The following PLLP variants were observed in gnomAD, a reference collection of about 807,000 sequenced individuals.
The protein encoded by PLLP is plasma membrane proteolipid (plasmolipin).
In PLLP, 15 loss-of-function variants were observed where a neutral mutation model predicts 19.7. The observed-to-expected ratio is 0.76, with a 90% CI of 0.51 to 1.17. The LOEUF (loss-of-function observed/expected upper bound fraction) is 1.17. Ranked by LOEUF, PLLP falls within the 50% of genes most tolerant of loss-of-function variation. PLLP has a pLI of 0.00. For synonymous variants in PLLP, 111 were observed against 116.3 expected (o/e 0.95, Z 0.29); for missense variants, 255 against 258.3 (o/e 0.99, Z 0.09).
At chr16:57,278,255 G>T (rs1393921767) in intron 1 of PLLP, among the ~76,000 whole-genome samples, 1 of 152,150 alleles carries the variant, frequency 6.6e-6, no homozygotes, top group East Asian at 1.9e-4. Flanking sequence ...CAGGAGAATG[G>T]CGTGAACCCG....
chr16:57,282,414 T>G (rs1249452249), intron 1 of PLLP, among the ~76,000 whole-genome samples: 1 of 151,036 alleles, frequency 6.6e-6, no homozygotes. Flanking sequence ...GGCTATTTTT[T>G]TTTTCCTTTT....
At chr16:57,261,370 C>T (rs2075441237) in intron 2 of PLLP, among the ~76,000 whole-genome samples, 1 of 152,120 alleles carries the variant, frequency 6.6e-6, no homozygotes, top group African/African-American at 2.4e-5. Context: ...CTCACTTCTA[C>T]TCCCCTCCTG....
chr16:57,259,834 A>G (rs1013897363), intron 2 of PLLP, among the ~76,000 whole-genome samples: 1 of 151,868 alleles, frequency 6.6e-6, no homozygotes, highest in African/African-American at 2.4e-5. Flanking sequence ...AAAATTAGCC[A>G]AGAGTGATGG....
intron 1 of PLLP, among the ~76,000 whole-genome samples, chr16:57,282,491 TC>T (rs377330795): frequency 7.3e-4 from 111 of 151,846 alleles, no homozygotes; most frequent in African/African-American, 2.5e-3. Flanking sequence ...CAAGCAATCC[TC>T]CTGTCCATCA....
At chr16:57,267,470 G>C (rs1409520443) in intron 1 of PLLP, among the ~76,000 whole-genome samples, 2 of 152,158 alleles carry the variant, frequency 1.3e-5, no homozygotes, top group Admixed American at 6.6e-5. Flanking sequence ...AGGAAGCTGA[G>C]GCAGAAGAAT....
intron 1 of PLLP, among the ~76,000 whole-genome samples, chr16:57,279,470 C>T (rs1901191893): frequency 6.6e-6 from 1 of 150,554 alleles, no homozygotes; most frequent in South Asian, 2.1e-4. Context: ...CCCAGGAGTT[C>T]GAGACCAGTC....
chr16:57,270,704 C>T (rs1395932176), intron 1 of PLLP, among the ~76,000 whole-genome samples: 1 of 152,146 alleles, frequency 6.6e-6, no homozygotes, highest in East Asian at 1.9e-4. Flanking sequence ...CCACACACCA[C>T]CCCCTGACTG....
chr16:57,257,138 A>G (rs2075428479), intron 3 of PLLP, 109 bp from the exon 4 acceptor site: 2 of 745,834 alleles, frequency 2.7e-6, no homozygotes, highest in African/African-American at 1.7e-5. Context: ...ACCATCTCAC[A>G]CTTAGCCAGA....
chr16:57,261,432 T>C (rs531929183), intron 2 of PLLP, among the ~76,000 whole-genome samples: 1 of 152,264 alleles, frequency 6.6e-6, no homozygotes, highest in East Asian at 1.9e-4. Flanking sequence ...CAAAAAACCG[T>C]GCACCTAGGC....
chr16:57,256,757 G>T lies in PLLP; in HGVS notation c.*156C>A. On this transcript the variant is annotated 3_prime_UTR_variant, in exon 4 of 4. Coordinates refer to ENST00000219207, the MANE Select transcript of PLLP (RefSeq NM_015993.3). ...GCCAGCCTGGGCCTGCTTCCTTAGCGCTGTGAGAGCTTATGTCTGACGGGC... is the reference window on the plus strand; with the variant it reads ...GCCAGCCTGGGCCTGCTTCCTTAGCTCTGTGAGAGCTTATGTCTGACGGGC... 1 of 598,590 alleles carries T rather than the reference G, an allele frequency of 1.7e-6. No individual in the cohort carries two copies. Among genetic ancestry groups the T allele is most frequent in the South Asian group, 2.1e-5 (1 of 47,920 alleles). The allele number at this position is 598,590 out of a possible 1,614,324, so 37.1% of individuals were successfully genotyped here.
intron 1 of PLLP, among the ~76,000 whole-genome samples, chr16:57,270,334 T>C (rs2075470822): frequency 1.6e-5 from 2 of 122,390 alleles, no homozygotes; most frequent in South Asian, 6.1e-4. Context: ...AGCCCCCAAG[T>C]CCTTCCACAG....
intron 1 of PLLP, among the ~76,000 whole-genome samples, chr16:57,265,624 A>G (rs2075454562): frequency 6.6e-6 from 1 of 152,202 alleles, no homozygotes; most frequent in Non-Finnish European, 1.5e-5. Flanking sequence ...TGCCAGACAC[A>G]TCTCATTGAT....
At chr16:57,269,721 T>C (rs757420797) in intron 1 of PLLP, among the ~76,000 whole-genome samples, 1 of 152,138 alleles carries the variant, frequency 6.6e-6, no homozygotes, top group Non-Finnish European at 1.5e-5. Context: ...CCAAAGTTTC[T>C]AATTTTTCAA....
At position 57,270,087 on chromosome 16, in the gene PLLP, A is replaced by C. The variant is rs888432975; in HGVS notation, c.136-8017T>G. Among the ~76,000 whole-genome samples, 30 of 152,286 alleles carry C rather than the reference A, an allele frequency of 2.0e-4. 1 individual carries two copies. The highest frequency in any genetic ancestry group is 6.0e-4 in the African/African-American group (25 of 41,564). On this transcript the variant is annotated intron_variant, in intron 1 of 3. Transcript: ENST00000219207. ...CCTGGCAAAAATCAGCTTTTTAAAC[A>C]TGGGTGACTGAACCAAAGGTTTTTA...
At chr16:57,270,441 C>T (rs1197403261) in intron 1 of PLLP, among the ~76,000 whole-genome samples, 1 of 151,630 alleles carries the variant, frequency 6.6e-6, no homozygotes, top group Admixed American at 6.6e-5. Flanking sequence ...TCTATTCCCA[C>T]TGCTCCATCC....
chr16:57,280,566 AAAC>A (rs1421530482), intron 1 of PLLP, among the ~76,000 whole-genome samples: 1 of 152,074 alleles, frequency 6.6e-6, no homozygotes, highest in Non-Finnish European at 1.5e-5. Flanking sequence ...TGGCAAGAGA[AAAC>A]AAAACAAAAC....
chr16:57,260,812 C>A (rs2075439702), intron 2 of PLLP, among the ~76,000 whole-genome samples: 1 of 152,234 alleles, frequency 6.6e-6, no homozygotes, highest in Admixed American at 6.5e-5. Flanking sequence ...CTCTCCCAGG[C>A]CTCAGGGCCT....
chr16:57,258,550 T>C lies in PLLP; in HGVS notation c.344A>G (p.Tyr115Cys). ...AGAGCAGGCGATGAAGGCGGTGATG[T>C]AGAGAACGGTGGCGCTGATGTTAAA... ...MIFNISATVL[Y>C]ITAFIACSAA... The change falls in exon 3 of 4, where the codon TAC (tyrosine) becomes TGC (cysteine). Residue 115 changes from tyrosine (Y) to cysteine (C), a missense_variant. By Grantham distance (194) the Tyr-to-Cys change is radical. Coordinates refer to ENST00000219207, the MANE Select transcript of PLLP (RefSeq NM_015993.3). 1 of 1,613,304 alleles carries C rather than the reference T, an allele frequency of 6.2e-7. No homozygotes were observed. Among genetic ancestry groups the C allele is most frequent in the Non-Finnish European group, 8.5e-7 (1 of 1,179,890 alleles).
intron 1 of PLLP, among the ~76,000 whole-genome samples, chr16:57,284,040 G>T (rs745900404): frequency 6.6e-6 from 1 of 152,090 alleles, no homozygotes; most frequent in Non-Finnish European, 1.5e-5. Context: ...GGGAAGGGAG[G>T]GCTGGGAAGG....
Sources: gnomAD v4.1 joint callset for allele counts (sites outside exome capture counted in the v4.1 genomes callset) on GRCh38, gnomAD v4.1.1 for gene constraint, MANE v1.5 for transcripts, NCBI Gene and HGNC (gene_info 2026-07-23, HGNC 2026-07-21) for gene names.